The following MAST4 variants were observed in gnomAD, a reference collection of about 807,000 sequenced individuals.
MAST4 encodes microtubule-associated serine/threonine-protein kinase 4.
Under a neutral mutation model 162.7 loss-of-function variants are expected in MAST4, and 89 were observed. The observed-to-expected ratio is 0.55, with a 90% CI of 0.46 to 0.65. The LOEUF (loss-of-function observed/expected upper bound fraction) is 0.65, where lower values mean the gene tolerates loss of function less well. MAST4 is among the 30% of genes least tolerant of loss of function. The pLI is 0.00. For synonymous variants in MAST4, 1,479 were observed against 1,361.1 expected, an observed-to-expected ratio of 1.09 and a Z score of -1.91; for missense variants, 3,153 against 3,374.0, an observed-to-expected ratio of 0.93 and a Z score of 1.62.
intron 2 of MAST4, among the ~76,000 whole-genome samples, chr5:66,764,576 A>G (rs900519841): frequency 6.6e-6 from 1 of 152,066 alleles, no homozygotes; most frequent in Non-Finnish European, 1.5e-5. Context: ...GATGATCCTG[A>G]CTCTGCATAG....
chr5:66,965,226 T>TG (rs1746571643), intron 4 of MAST4, among the ~76,000 whole-genome samples: 3 of 109,472 alleles, frequency 2.7e-5, no homozygotes, highest in Non-Finnish European at 5.8e-5. Context: ...TTTTTTTTGC[T>TG]TTTTTTTTTT....
At chr5:67,083,684 T>C (rs1762920878) in intron 5 of MAST4, among the ~76,000 whole-genome samples, 1 of 152,204 alleles carries the variant, frequency 6.6e-6, no homozygotes, top group Non-Finnish European at 1.5e-5. Context: ...AGATTCAGTC[T>C]ATAATTAATT....
chr5:66,782,840 A>T (rs1200280997), intron 2 of MAST4, among the ~76,000 whole-genome samples: 1 of 152,184 alleles, frequency 6.6e-6, no homozygotes, highest in Admixed American at 6.5e-5. Flanking sequence ...ACAGATGCTA[A>T]TTTTCTTAAA....
At chr5:66,924,299 A>G (rs1163916785) in intron 4 of MAST4, among the ~76,000 whole-genome samples, 1 of 152,200 alleles carries the variant, frequency 6.6e-6, no homozygotes, top group East Asian at 1.9e-4. Flanking sequence ...TGGAGAATAA[A>G]CTGATATGTG....
intron 4 of MAST4, among the ~76,000 whole-genome samples, chr5:66,938,592 G>A (rs1743014748): frequency 6.6e-6 from 1 of 152,252 alleles, no homozygotes; most frequent in East Asian, 1.9e-4. Flanking sequence ...GAACAGGGCC[G>A]AATCTGAGAT....
At chr5:67,084,009 A>T (rs1048942557) in intron 5 of MAST4, among the ~76,000 whole-genome samples, 3 of 152,204 alleles carry the variant, frequency 2.0e-5, no homozygotes, top group African/African-American at 7.2e-5. Context: ...AACATTCTCA[A>T]GAACCCATTT....
At chr5:66,635,947 T>C (rs13162820) in intron 1 of MAST4, among the ~76,000 whole-genome samples, 1 of 29,084 alleles carries the variant, frequency 3.4e-5, no homozygotes, top group Non-Finnish European at 5.5e-5. Flanking sequence ...ATAGAGACTG[T>C]TTTTTTTTTT....
In MAST4 at chr5:67,163,027, T is replaced by G; in HGVS notation, c.3968-120T>G. 1 of 1,211,038 alleles carries G rather than the reference T, an allele frequency of 8.3e-7. No homozygotes were observed. 75.0% of individuals were successfully genotyped at this position (1,211,038 alleles called of 1,614,324 possible). On this transcript the variant is annotated intron_variant, in intron 28 of 28. Transcript: ENST00000403625. The surrounding 1 kb of genome is among the most constrained non-coding windows in gnomAD (Gnocchi z 7.0). The stretch of plus-strand genomic sequence containing the variant: ...TCTGAAAAGTGTTTATTCCACTAGC[T>G]AAATGCTGAGACAATTTGCTGATCT...
chr5:67,055,658 A>G (rs1758706784), intron 5 of MAST4, among the ~76,000 whole-genome samples: 1 of 152,208 alleles, frequency 6.6e-6, no homozygotes. Flanking sequence ...ACACTGTAAA[A>G]TGACCACTAA....
chr5:66,795,289 A>G (rs913857300), intron 3 of MAST4, among the ~76,000 whole-genome samples: 1 of 152,234 alleles, frequency 6.6e-6, no homozygotes, highest in African/African-American at 2.4e-5. Flanking sequence ...TGGATTTATC[A>G]TAATTTACTA....
At chr5:66,943,176 C>T (rs540517920) in intron 4 of MAST4, among the ~76,000 whole-genome samples, 33 of 152,122 alleles carry the variant, frequency 2.2e-4, no homozygotes, top group Non-Finnish European at 4.1e-4. Flanking sequence ...CTCTTATCAA[C>T]CCACTTAACA....
chr5:66,702,930 A>G (rs1486671245), intron 1 of MAST4, among the ~76,000 whole-genome samples: 4 of 152,200 alleles, frequency 2.6e-5, no homozygotes, highest in Non-Finnish European at 4.4e-5. Context: ...CGGGGAGATC[A>G]GTGAAGATGC....
chr5:66,629,421 C>A (rs767624113), intron 1 of MAST4, among the ~76,000 whole-genome samples: 4 of 152,166 alleles, frequency 2.6e-5, no homozygotes, highest in African/African-American at 4.8e-5. Context: ...CTTTGGAAGC[C>A]TTTTTCTTTC....
chr5:66,700,159 A>G (rs1749674115), intron 1 of MAST4, among the ~76,000 whole-genome samples: 2 of 152,198 alleles, frequency 1.3e-5, no homozygotes, highest in South Asian at 4.1e-4. Flanking sequence ...ATGGAAACTG[A>G]TAATTTTGTT....
intron 4 of MAST4, among the ~76,000 whole-genome samples, chr5:67,015,600 G>A (rs1449509092): frequency 6.6e-6 from 1 of 152,176 alleles, no homozygotes. Context: ...CTTAGGGATT[G>A]GACTGGGAGG....
intron 4 of MAST4, among the ~76,000 whole-genome samples, chr5:67,009,789 G>A (rs908315957): frequency 2.6e-5 from 4 of 152,188 alleles, no homozygotes; most frequent in Non-Finnish European, 5.9e-5. Flanking sequence ...TGGGGTTTAG[G>A]TCTGGGAGTG....
At chr5:66,624,532 T>TA (rs34002347) in intron 1 of MAST4, among the ~76,000 whole-genome samples, 1 of 151,680 alleles carries the variant, frequency 6.6e-6, no homozygotes, top group African/African-American at 2.4e-5. Context: ...TTTACAGAAA[T>TA]AAAAAAACTA....
At chr5:67,162,818 A>C (rs763500333) in intron 28 of MAST4, 30 bp downstream of exon 28, 49 of 1,594,622 alleles carry the variant, frequency 3.1e-5, no homozygotes, top group Non-Finnish European at 4.2e-5. Context: ...TAAACAGCAG[A>C]GGGGAGGGGA....
At chr5:66,835,884 T>C (rs1200951548) in intron 3 of MAST4, among the ~76,000 whole-genome samples, 3 of 152,118 alleles carry the variant, frequency 2.0e-5, no homozygotes, top group Non-Finnish European at 4.4e-5. Context: ...AAATCATGCT[T>C]TTGGGATGGG....
Sources: gnomAD v4.1 joint callset for allele counts (sites outside exome capture counted in the v4.1 genomes callset) on GRCh38, gnomAD v4.1.1 for gene constraint, Gnocchi (gnomAD v3.1) non-coding constraint, MANE v1.5 for transcripts, NCBI Gene and HGNC (gene_info 2026-07-23, HGNC 2026-07-21) for gene names.